Variants in SCN8A observed in about 807,000 individuals in gnomAD.
The protein encoded by SCN8A is sodium voltage-gated channel alpha subunit 8, also known as sodium channel protein type 8 subunit alpha.
SCN8A carries 30 observed loss-of-function variants against 184.1 expected under a neutral mutation model. That is an observed-to-expected ratio of 0.16 (90% CI 0.12 to 0.22). The LOEUF (loss-of-function observed/expected upper bound fraction) is 0.22. Among genes scored for constraint, SCN8A ranks in the 10% least tolerant of loss-of-function variants. The pLI, the probability that SCN8A is intolerant of heterozygous loss-of-function variation, is 1.00. For synonymous variants in SCN8A, 852 were observed against 907.0 expected (o/e 0.94, Z 1.09); for missense variants, 1,057 against 2,498.9 (o/e 0.42, Z 12.30).
In SCN8A at chr12:51,673,352, G is replaced by A. The variant is rs562862879; in HGVS notation, c.276+10259G>A. Reference sequence around the variant, plus strand: ...CAGGGATTGAGCATCTGTGGATTTTGGTATCCCTGGGAGTCCTGGAGCCAA... The same window carrying A: ...CAGGGATTGAGCATCTGTGGATTTTAGTATCCCTGGGAGTCCTGGAGCCAA... On this transcript the variant is annotated intron_variant, in intron 2 of 26. Transcript: ENST00000627620. Among the ~76,000 whole-genome samples the A allele has an allele frequency of 2.7e-4, 41 of 152,290 alleles. 1 individual carries two copies. The South Asian group carries it at 8.5e-3, about 32-fold the overall frequency.
rs555515478 is a variant in SCN8A at position 51,794,006 on chromosome 12, C to T, written c.4525-365C>T. Among the ~76,000 whole-genome samples, 6 of 152,120 alleles carry T rather than the reference C, an allele frequency of 3.9e-5. No individual in the cohort carries two copies. The East Asian group carries it at 9.7e-4, about 25-fold the overall frequency. On this transcript the variant is annotated intron_variant, in intron 25 of 26. Transcript: ENST00000627620. ...CTAAAAATACAAAAAATTAGCCGGA[C>T]GTGGTGGTGTGTGCCTGTAATCCCA...
At chr12:51,728,643 G>A (rs1027941650) in intron 12 of SCN8A, among the ~76,000 whole-genome samples, 1 of 151,594 alleles carries the variant, frequency 6.6e-6, no homozygotes, top group Non-Finnish European at 1.5e-5. Flanking sequence ...GCTAAGATGG[G>A]AGGATCACTT....
intron 1 of SCN8A, among the ~76,000 whole-genome samples, chr12:51,660,410 C>T (rs750208532): frequency 3.3e-5 from 5 of 152,144 alleles, no homozygotes; most frequent in Admixed American, 6.5e-5. Context: ...TTGTCCTCTG[C>T]GTAGGAACAG....
chr12:51,688,674 T>C, intron 5 of SCN8A: 1 of 864,642 alleles, frequency 1.2e-6, no homozygotes, highest in Non-Finnish European at 1.9e-6. Flanking sequence ...AACCATAGCT[T>C]GTATATAAGA....
chr12:51,662,698 G>A (rs1940947730), intron 1 of SCN8A, 66 bp from the exon 2 acceptor site: 1 of 948,718 alleles, frequency 1.1e-6, no homozygotes, highest in Non-Finnish European at 1.6e-6. Context: ...AGAGTGAGAT[G>A]GTTTAGTCTG....
chr12:51,753,558 C>T (rs1274794590), intron 14 of SCN8A, among the ~76,000 whole-genome samples: 3 of 152,160 alleles, frequency 2.0e-5, no homozygotes, highest in African/African-American at 7.2e-5. Flanking sequence ...CAAAGATATA[C>T]TTTGTTGCCA....
At chr12:51,617,644 T>G (rs1309764357) in intron 1 of SCN8A, among the ~76,000 whole-genome samples, 2 of 152,202 alleles carry the variant, frequency 1.3e-5, no homozygotes. Flanking sequence ...CAAGTTTTTT[T>G]GTATGTTAGT....
chr12:51,634,304 T>C (rs1940265583), intron 1 of SCN8A, among the ~76,000 whole-genome samples: 1 of 152,012 alleles, frequency 6.6e-6, no homozygotes, highest in Admixed American at 6.6e-5. Context: ...TGCAAGAGAG[T>C]GAGAGACACC....
intron 26 of SCN8A, among the ~76,000 whole-genome samples, chr12:51,798,080 G>A (rs1158831578): frequency 1.3e-5 from 2 of 152,108 alleles, no homozygotes; most frequent in Non-Finnish European, 2.9e-5. Context: ...AAGCATACAT[G>A]GCCTTCTGGA....
At chr12:51,624,182 G>A (rs1439960589) in intron 1 of SCN8A, among the ~76,000 whole-genome samples, 2 of 152,148 alleles carry the variant, frequency 1.3e-5, no homozygotes, top group South Asian at 4.2e-4. Context: ...CTGAGGAATC[G>A]CCACACTGAC....
intron 26 of SCN8A, among the ~76,000 whole-genome samples, chr12:51,797,996 T>C (rs1938455176): frequency 6.6e-6 from 1 of 152,130 alleles, no homozygotes; most frequent in South Asian, 2.1e-4. Context: ...CCACTTCCAT[T>C]TCCACCCCTT....
Position 51,751,411 on chromosome 12 carries a change from T to G in SCN8A, c.2188T>G (p.Phe730Val), listed in dbSNP as rs923938885. ...ATGCTGGTATAAATTTGCCAACACTTTCCTCATCTGGGAGTGCCACCCCTA... is the reference window on the plus strand; with the variant it reads ...ATGCTGGTATAAATTTGCCAACACTGTCCTCATCTGGGAGTGCCACCCCTA... ...PPCWYKFANT[F>V]LIWECHPYWI... Residue 730 changes from phenylalanine to valine, a missense_variant, in exon 14 of 27, where the codon TTC becomes GTC. Transcript: ENST00000627620. 58 of 1,613,832 alleles carry G rather than the reference T, an allele frequency of 3.6e-5. No homozygotes were observed. The highest frequency in any genetic ancestry group is 4.5e-5 in the Non-Finnish European group (53 of 1,179,874).
intron 1 of SCN8A, among the ~76,000 whole-genome samples, chr12:51,630,354 A>G (rs1940172394): frequency 6.6e-6 from 1 of 152,120 alleles, no homozygotes; most frequent in Non-Finnish European, 1.5e-5. Context: ...TATAAGAAGA[A>G]TTACACAGTA....
chr12:51,612,223 G>A (rs143015533), intron 1 of SCN8A, among the ~76,000 whole-genome samples: 82 of 152,244 alleles, frequency 5.4e-4, no homozygotes, highest in African/African-American at 1.5e-3. Context: ...GTGTAGTGGC[G>A]CGAACGCAGC....
intron 1 of SCN8A, among the ~76,000 whole-genome samples, chr12:51,628,789 G>A (rs1056767722): frequency 1.3e-5 from 2 of 152,142 alleles, no homozygotes; most frequent in Non-Finnish European, 2.9e-5. Flanking sequence ...CCTGTTTCAT[G>A]TTCGCTTTCA....
At chr12:51,634,751 C>T (rs1314537109) in intron 1 of SCN8A, among the ~76,000 whole-genome samples, 1 of 150,760 alleles carries the variant, frequency 6.6e-6, no homozygotes, top group African/African-American at 2.4e-5. Context: ...TGGGTTCAAG[C>T]GATTCTCTGG....
chr12:51,714,835 C>T (rs1037134992), intron 11 of SCN8A, among the ~76,000 whole-genome samples: 1 of 152,210 alleles, frequency 6.6e-6, no homozygotes, highest in Non-Finnish European at 1.5e-5. Flanking sequence ...CCCGAGCAAA[C>T]ATCTAAACCT....
intron 12 of SCN8A, among the ~76,000 whole-genome samples, chr12:51,740,383 T>G (rs1341242269): frequency 6.6e-6 from 1 of 152,240 alleles, no homozygotes; most frequent in African/African-American, 2.4e-5. Flanking sequence ...AGTTTCCTTC[T>G]TAATTTCTTC....
At chr12:51,762,450 G>A (rs533785009) in intron 14 of SCN8A, 53 bp from the exon 15 acceptor site, 2 of 1,492,480 alleles carry the variant, frequency 1.3e-6, no homozygotes, top group African/African-American at 1.4e-5. Context: ...TAATGATAAA[G>A]GCATTCTCTT....
Sources: gnomAD v4.1 joint callset for allele counts (sites outside exome capture counted in the v4.1 genomes callset) on GRCh38, gnomAD v4.1.1 for gene constraint, MANE v1.5 for transcripts, NCBI Gene and HGNC (gene_info 2026-07-23, HGNC 2026-07-21) for gene names.